Variants in DCAF6 observed in about 807,000 individuals in gnomAD.
DCAF6 encodes the protein DDB1- and CUL4-associated factor 6.
A neutral mutation model predicts 125.1 loss-of-function variants in DCAF6; 54 were observed. The observed-to-expected ratio is 0.43, with a 90% CI of 0.35 to 0.54. The LOEUF (loss-of-function observed/expected upper bound fraction) is 0.54, where lower values mean the gene tolerates loss of function less well. DCAF6 is among the 20% of genes least tolerant of loss of function. The probability of loss-of-function intolerance (pLI) is 0.01; values close to 1 mark genes in which losing one functional copy is unlikely to be tolerated. For missense variants in DCAF6, 934 were observed against 1,161.7 expected (o/e 0.80, Z 2.85); for synonymous variants, 371 against 390.4 (o/e 0.95, Z 0.58).
At chr1:168,019,432 C>G in intron 11 of DCAF6, 1 of 325,308 alleles carries the variant, frequency 3.1e-6, no homozygotes, top group Non-Finnish European at 6.5e-6. Context: ...TGATAGCATT[C>G]AGGGTTTTGA....
chr1:168,005,655 A>G (rs1292831096), intron 10 of DCAF6, among the ~76,000 whole-genome samples: 1 of 152,164 alleles, frequency 6.6e-6, no homozygotes, highest in Admixed American at 6.5e-5. Context: ...ACCTATAAAA[A>G]AATTTCTAAC....
At chr1:167,943,293 T>C (rs1672540022) in intron 1 of DCAF6, among the ~76,000 whole-genome samples, 1 of 152,212 alleles carries the variant, frequency 6.6e-6, no homozygotes, top group Non-Finnish European at 1.5e-5. Context: ...TAGAACTAGC[T>C]TGTCAATTTC....
chr1:167,892,125 A>T, the DCAF6 span, among the ~76,000 whole-genome samples: 3 of 151,974 alleles, frequency 2.0e-5, no homozygotes, highest in Non-Finnish European at 4.4e-5. Flanking sequence ...GGCACGTGCC[A>T]CCACACCCAA....
At chr1:168,037,315 A>C (rs554003030) in intron 12 of DCAF6, among the ~76,000 whole-genome samples, 3 of 152,224 alleles carry the variant, frequency 2.0e-5, no homozygotes, top group African/African-American at 7.2e-5. Context: ...GCTTTTATGA[A>C]ATTGTGATTG....
intron 17 of DCAF6, among the ~76,000 whole-genome samples, chr1:168,053,495 A>G (rs572006990): frequency 3.3e-5 from 5 of 152,328 alleles, no homozygotes; most frequent in East Asian, 3.9e-4. Flanking sequence ...CAAAGACTCA[A>G]AAGAATCAAA....
At chr1:167,864,195 G>A in the DCAF6 span, among the ~76,000 whole-genome samples, 3 of 152,240 alleles carry the variant, frequency 2.0e-5, no homozygotes, top group East Asian at 3.9e-4. Flanking sequence ...CTTTTTACCC[G>A]TTCTTTGTTT....
chr1:167,942,595 T>G (rs1215467328), intron 1 of DCAF6, among the ~76,000 whole-genome samples: 1 of 152,248 alleles, frequency 6.6e-6, no homozygotes, highest in East Asian at 1.9e-4. Context: ...TTATGTCCTA[T>G]CTAAGAATCT....
At chr1:168,037,136 C>T (rs1687930536) in intron 12 of DCAF6, among the ~76,000 whole-genome samples, 1 of 145,354 alleles carries the variant, frequency 6.9e-6, no homozygotes, top group Admixed American at 6.9e-5. Flanking sequence ...TGAGGTCTCA[C>T]CCAGACTCGA....
intron 4 of DCAF6, among the ~76,000 whole-genome samples, chr1:167,976,978 A>G (rs1042540266): frequency 7.7e-6 from 1 of 129,972 alleles, no homozygotes; most frequent in African/African-American, 2.9e-5. Flanking sequence ...ATCTTGGCTC[A>G]CCACAACCTC....
At chr1:167,975,162 T>A (rs1677959325) in intron 4 of DCAF6, 147 bp downstream of exon 4, 1 of 457,838 alleles carries the variant, frequency 2.2e-6, no homozygotes, top group South Asian at 8.9e-5. Context: ...TATCTAGGTG[T>A]CAGCAGAGCA....
the DCAF6 span, chr1:167,902,006 GC>G: frequency 1.9e-6 from 3 of 1,612,166 alleles, no homozygotes; most frequent in South Asian, 2.2e-5. Context: ...ATCTTAGTAA[GC>G]CCCCATACCT....
At chr1:167,880,572 TC>T in the DCAF6 span, 1 of 1,613,968 alleles carries the variant, frequency 6.2e-7, no homozygotes, top group East Asian at 2.2e-5. Flanking sequence ...AGGTACCTTT[TC>T]CCCAGGGAAG....
chr1:167,954,227 A>G (rs1166876567), intron 2 of DCAF6, among the ~76,000 whole-genome samples: 1 of 151,932 alleles, frequency 6.6e-6, no homozygotes, highest in African/African-American at 2.4e-5. Flanking sequence ...GCTGGCCTCG[A>G]ACTCCTGACC....
At chr1:167,868,730 C>T in the DCAF6 span, among the ~76,000 whole-genome samples, 1 of 152,174 alleles carries the variant, frequency 6.6e-6, no homozygotes, top group African/African-American at 2.4e-5. Flanking sequence ...CCGCGAAAAG[C>T]GAAACATAGC....
intron 21 of DCAF6, among the ~76,000 whole-genome samples, chr1:168,071,671 T>C (rs575607646): frequency 6.6e-6 from 1 of 152,188 alleles, no homozygotes; most frequent in East Asian, 1.9e-4. Flanking sequence ...TGTATTTGCC[T>C]ATGGGCTATA....
intron 5 of DCAF6, among the ~76,000 whole-genome samples, chr1:167,990,255 C>G (rs1163850414): frequency 6.6e-6 from 1 of 151,846 alleles, no homozygotes; most frequent in Admixed American, 6.6e-5. Context: ...GTAGTCCTAG[C>G]CACTTGAGAG....
intron 2 of DCAF6, among the ~76,000 whole-genome samples, chr1:167,956,507 A>G (rs569838286): frequency 2.0e-5 from 3 of 152,254 alleles, no homozygotes; most frequent in South Asian, 4.1e-4. Context: ...TCCAAGAACC[A>G]ACCTCTGGTC....
chr1:168,030,338 G>T (rs116543893), intron 12 of DCAF6, among the ~76,000 whole-genome samples: 1,721 of 152,316 alleles, frequency 0.011, 31 homozygotes, highest in African/African-American at 0.038. Context: ...ATATTGCAGA[G>T]CCTCTGAGAT....
the DCAF6 span, among the ~76,000 whole-genome samples, chr1:167,873,768 T>G: frequency 1.4e-4 from 21 of 152,074 alleles, no homozygotes; most frequent in Non-Finnish European, 2.2e-4. Context: ...TAGAAAAATA[T>G]CTCCATGATT....
Sources: gnomAD v4.1 joint callset for allele counts (sites outside exome capture counted in the v4.1 genomes callset) on GRCh38, gnomAD v4.1.1 for gene constraint, MANE v1.5 for transcripts, NCBI Gene and HGNC (gene_info 2026-07-23, HGNC 2026-07-21) for gene names.